The following RAB38 variants were observed in gnomAD, a reference collection of about 807,000 sequenced individuals.
RAB38 encodes the protein RAB38, member RAS oncogene family.
Under a neutral mutation model 18.4 loss-of-function variants are expected in RAB38, and 15 were observed. That is an observed-to-expected ratio of 0.82 (90% CI 0.55 to 1.26). RAB38 has a LOEUF of 1.26. RAB38 is among the 50% of genes most tolerant of loss of function. RAB38 has a pLI of 0.00. For missense variants in RAB38, 294 were observed against 267.4 expected (o/e 1.10, Z -0.69); for synonymous variants, 101 against 104.4 (o/e 0.97, Z 0.20).
At chr11:88,056,824 AATAAATAAATACATACATAC>A in the RAB38 span, among the ~76,000 whole-genome samples, 41 of 109,458 alleles carry the variant, frequency 3.7e-4, no homozygotes, top group Middle Eastern at 8.5e-3. Context: ...TAAATAAATA[AATAAATAAATACATACATAC>A]ATACATACAT....
the RAB38 span, among the ~76,000 whole-genome samples, chr11:87,901,976 A>G: frequency 6.6e-6 from 1 of 150,624 alleles, no homozygotes; most frequent in African/African-American, 2.4e-5. Context: ...ATGCTAAGGA[A>G]GGAGAAGGCA....
At chr11:88,027,323 C>T in the RAB38 span, among the ~76,000 whole-genome samples, 4 of 152,264 alleles carry the variant, frequency 2.6e-5, no homozygotes, top group East Asian at 1.9e-4. Flanking sequence ...TCTGCATTTC[C>T]ATCTGAGGTA....
At chr11:88,080,088 T>G in the RAB38 span, among the ~76,000 whole-genome samples, 1 of 151,550 alleles carries the variant, frequency 6.6e-6, no homozygotes, top group Non-Finnish European at 1.5e-5. Flanking sequence ...AGATAGGAAA[T>G]GGAGAAATAA....
the RAB38 span, among the ~76,000 whole-genome samples, chr11:87,850,304 C>A: frequency 6.6e-6 from 1 of 152,086 alleles, no homozygotes; most frequent in Non-Finnish European, 1.5e-5. Context: ...CTCTCTTCTT[C>A]TCCTTTTAAC....
At chr11:88,144,362 G>A (rs1336179929) in intron 2 of RAB38, among the ~76,000 whole-genome samples, 1 of 152,336 alleles carries the variant, frequency 6.6e-6, no homozygotes, top group East Asian at 1.9e-4. Flanking sequence ...TCATCTGCCT[G>A]TGCCTAGCTG....
chr11:88,103,466 T>C, the RAB38 span, among the ~76,000 whole-genome samples: 2 of 152,108 alleles, frequency 1.3e-5, no homozygotes, highest in African/African-American at 2.4e-5. Flanking sequence ...TCTCTCCCGT[T>C]TGTTTACAGA....
At chr11:87,946,955 G>A in the RAB38 span, among the ~76,000 whole-genome samples, 2 of 150,998 alleles carry the variant, frequency 1.3e-5, no homozygotes, top group African/African-American at 4.9e-5. Flanking sequence ...AGATCCCTGA[G>A]GAATCGCCAC....
chr11:88,140,291 G>A (rs1438268874), intron 2 of RAB38, among the ~76,000 whole-genome samples: 13 of 152,136 alleles, frequency 8.5e-5, no homozygotes, highest in Admixed American at 8.5e-4. Flanking sequence ...TACATAATGT[G>A]GGGTCCTCCT....
chr11:88,106,917 T>C, the RAB38 span, among the ~76,000 whole-genome samples: 83 of 152,248 alleles, frequency 5.5e-4, no homozygotes, highest in African/African-American at 2.0e-3. Context: ...AAAATGCTAG[T>C]TGGAACATCT....
At chr11:88,009,356 T>C in the RAB38 span, among the ~76,000 whole-genome samples, 9 of 152,188 alleles carry the variant, frequency 5.9e-5, no homozygotes, top group Non-Finnish European at 8.8e-5. Flanking sequence ...TTAGAAGATA[T>C]GCTTCTCATG....
the RAB38 span, among the ~76,000 whole-genome samples, chr11:88,080,457 G>A: frequency 6.6e-6 from 1 of 151,794 alleles, no homozygotes; most frequent in Non-Finnish European, 1.5e-5. Flanking sequence ...ACATTGTTAG[G>A]GTATGAGTTC....
At chr11:88,044,060 G>C in the RAB38 span, among the ~76,000 whole-genome samples, 1 of 151,900 alleles carries the variant, frequency 6.6e-6, no homozygotes, top group Non-Finnish European at 1.5e-5. Flanking sequence ...CTTAATTTCA[G>C]TTCCTTTCCT....
At chr11:88,131,693 C>T (rs181541880) in intron 2 of RAB38, among the ~76,000 whole-genome samples, 2 of 152,300 alleles carry the variant, frequency 1.3e-5, no homozygotes, top group East Asian at 3.9e-4. Context: ...CTTAATCCTG[C>T]CCAGAAACTA....
the RAB38 span, among the ~76,000 whole-genome samples, chr11:88,085,827 T>TACAA: frequency 6.6e-6 from 1 of 151,926 alleles, no homozygotes; most frequent in Non-Finnish European, 1.5e-5. Context: ...TATAACTCTT[T>TACAA]ACAAACAAAC....
At chr11:88,119,257 A>T (rs981519711) in intron 2 of RAB38, among the ~76,000 whole-genome samples, 1 of 152,126 alleles carries the variant, frequency 6.6e-6, no homozygotes, top group African/African-American at 2.4e-5. Context: ...AGGCATGGTG[A>T]TGGGATTCAT....
At chr11:87,955,675 T>A in the RAB38 span, among the ~76,000 whole-genome samples, 15 of 138,912 alleles carry the variant, frequency 1.1e-4, no homozygotes, top group East Asian at 5.4e-4. Context: ...ATCATCTATC[T>A]ATCAATCAAT....
chr11:88,109,978 G>A (rs1483839977), downstream of RAB38, among the ~76,000 whole-genome samples: 1 of 152,156 alleles, frequency 6.6e-6, no homozygotes, highest in Admixed American at 6.5e-5. Context: ...CAAAGATCTA[G>A]AACCAGAAAT....
the RAB38 span, among the ~76,000 whole-genome samples, chr11:88,082,348 A>C: frequency 6.6e-6 from 1 of 151,888 alleles, no homozygotes; most frequent in African/African-American, 2.4e-5. Flanking sequence ...AGGATGATTC[A>C]GGACATGCAA....
intron 2 of RAB38, among the ~76,000 whole-genome samples, chr11:88,146,712 A>ATAC (rs1320929684): frequency 6.6e-6 from 1 of 152,234 alleles, no homozygotes; most frequent in Non-Finnish European, 1.5e-5. Flanking sequence ...TTGACTTTGA[A>ATAC]TACTAACCTG....
Sources: allele counts gnomAD v4.1 joint callset (sites outside exome capture counted in the v4.1 genomes callset), GRCh38; gene constraint gnomAD v4.1.1; transcripts MANE v1.5; gene names NCBI Gene and HGNC (gene_info 2026-07-23, HGNC 2026-07-21).